Variants in EPB41L5 observed in about 807,000 individuals in gnomAD.
The protein encoded by EPB41L5 is erythrocyte membrane protein band 4.1 like 5, also known as band 4.1-like protein 5.
EPB41L5 carries 55 observed loss-of-function variants against 106.6 expected under a neutral mutation model. That is an observed-to-expected ratio of 0.52 (90% confidence interval 0.42 to 0.65). The LOEUF is 0.65. Among genes scored for constraint, EPB41L5 ranks in the 30% least tolerant of loss-of-function variants. The probability of loss-of-function intolerance (pLI) is 0.00; values close to 1 mark genes in which losing one functional copy is unlikely to be tolerated. For missense variants in EPB41L5, 871 were observed against 882.1 expected (o/e 0.99, Z 0.16); for synonymous variants, 297 against 306.7 (o/e 0.97, Z 0.33).
intron 22 of EPB41L5, among the ~76,000 whole-genome samples, chr2:120,165,987 A>AAC (rs1687387846): frequency 2.0e-5 from 3 of 151,608 alleles, no homozygotes; most frequent in African/African-American, 7.3e-5. Context: ...AAAAAAAAAA[A>AAC]AAAAAAACAG....
rs571886061 is a variant in EPB41L5, at chr2:120,122,749, C to G, written c.1338-4939C>G. ...TAGCTTGATGGGGACGGCATTGAATCTATAAATTACCTTGGGCAGTATGGC... is the reference window on the plus strand; with the variant it reads ...TAGCTTGATGGGGACGGCATTGAATGTATAAATTACCTTGGGCAGTATGGC... On this transcript the variant is annotated intron_variant, in intron 16 of 24. Transcript: ENST00000263713. Among the ~76,000 whole-genome samples, 10 of 152,250 alleles carry G rather than the reference C, an allele frequency of 6.6e-5. No individual in the cohort carries two copies. The South Asian group carries it at 2.1e-3, about 32-fold the overall frequency.
At chr2:120,052,132 G>C (rs545756945) in intron 3 of EPB41L5, among the ~76,000 whole-genome samples, 3 of 152,240 alleles carry the variant, frequency 2.0e-5, no homozygotes, top group Non-Finnish European at 2.9e-5. Context: ...GCCATGCTTT[G>C]CATTTAATTT....
intron 2 of EPB41L5, among the ~76,000 whole-genome samples, chr2:120,031,461 G>A (rs1678704329): frequency 6.6e-6 from 1 of 152,200 alleles, no homozygotes; most frequent in South Asian, 2.1e-4. Context: ...AAGAACATGA[G>A]TAGCAGGTAC....
At chr2:120,163,967 T>TTTATG (rs1291097856) in intron 21 of EPB41L5, among the ~76,000 whole-genome samples, 1 of 133,966 alleles carries the variant, frequency 7.5e-6, no homozygotes, top group African/African-American at 2.7e-5. Flanking sequence ...TTTTTTTTAT[T>TTTATG]TTTTTGTATT....
intron 2 of EPB41L5, among the ~76,000 whole-genome samples, chr2:120,028,016 C>G (rs1678452950): frequency 6.6e-6 from 1 of 151,996 alleles, no homozygotes; most frequent in South Asian, 2.1e-4. Context: ...GCGCCCACCA[C>G]CACACCCAGC....
intron 3 of EPB41L5, among the ~76,000 whole-genome samples, chr2:120,045,020 C>G (rs550953781): frequency 6.6e-6 from 1 of 152,222 alleles, no homozygotes; most frequent in African/African-American, 2.4e-5. Flanking sequence ...TGTTGTGTGG[C>G]CATATTCAAC....
chr2:120,033,989 G>GGGA (rs890289742), intron 2 of EPB41L5, among the ~76,000 whole-genome samples: 118 of 152,164 alleles, frequency 7.8e-4, no homozygotes, highest in African/African-American at 2.7e-3. Context: ...CCAGCTACTT[G>GGGA]GGAGGCCAAG....
At chr2:120,096,593 C>T (rs1683771968) in intron 14 of EPB41L5, among the ~76,000 whole-genome samples, 1 of 152,056 alleles carries the variant, frequency 6.6e-6, no homozygotes, top group East Asian at 1.9e-4. Context: ...AGTTTGAGAC[C>T]AGCCAGACCA....
intron 2 of EPB41L5, among the ~76,000 whole-genome samples, chr2:120,037,399 G>A (rs1679107629): frequency 6.6e-6 from 1 of 152,152 alleles, no homozygotes; most frequent in Admixed American, 6.5e-5. Context: ...TGCAGAAATA[G>A]AAAAACCCAT....
At chr2:120,095,934 T>A (rs963886197) in intron 14 of EPB41L5, among the ~76,000 whole-genome samples, 1 of 152,160 alleles carries the variant, frequency 6.6e-6, no homozygotes, top group African/African-American at 2.4e-5. Context: ...CCTCCCAAAG[T>A]GCTAGGATTA....
At chr2:120,096,774 A>AG (rs1306233505) in intron 14 of EPB41L5, among the ~76,000 whole-genome samples, 9 of 152,304 alleles carry the variant, frequency 5.9e-5, no homozygotes, top group Middle Eastern at 6.8e-3. Context: ...CGGGTGATAG[A>AG]GCAAGACTCC....
At chr2:120,056,217 A>ATATGG (rs1337254486) in intron 3 of EPB41L5, among the ~76,000 whole-genome samples, 9 of 150,506 alleles carry the variant, frequency 6.0e-5, no homozygotes, top group African/African-American at 2.2e-4. Context: ...AAATCTGTTT[A>ATATGG]TATGGTATGT....
At chr2:120,017,758 T>G (rs1677620278) in intron 1 of EPB41L5, among the ~76,000 whole-genome samples, 1 of 152,160 alleles carries the variant, frequency 6.6e-6, no homozygotes, top group Non-Finnish European at 1.5e-5. Flanking sequence ...AGGTGATTGT[T>G]TTTGTGTTTT....
intron 20 of EPB41L5, 69 bp downstream of exon 20, chr2:120,146,358 C>A: frequency 3.5e-6 from 4 of 1,149,678 alleles, no homozygotes; most frequent in South Asian, 1.3e-5. Context: ...TCTTCTCAGT[C>A]TGTCACCACA....
chr2:120,062,028 A>G (rs1681119520), intron 3 of EPB41L5, among the ~76,000 whole-genome samples: 1 of 152,170 alleles, frequency 6.6e-6, no homozygotes. Context: ...GATTAATAAT[A>G]TAAGCACTTC....
chr2:120,167,206 A>ATAGAT (rs1687452432), intron 22 of EPB41L5, among the ~76,000 whole-genome samples: 1 of 152,234 alleles, frequency 6.6e-6, no homozygotes, highest in African/African-American at 2.4e-5. Flanking sequence ...GAAAGTAGTA[A>ATAGAT]TAGATTCTTG....
At chr2:120,128,859 C>T (rs1367085605) in intron 17 of EPB41L5, among the ~76,000 whole-genome samples, 2 of 152,148 alleles carry the variant, frequency 1.3e-5, no homozygotes, top group East Asian at 3.9e-4. Context: ...AAATATCCCC[C>T]ATTACTATTT....
chr2:120,060,779 T>G (rs769018961), intron 3 of EPB41L5, among the ~76,000 whole-genome samples: 3 of 152,194 alleles, frequency 2.0e-5, no homozygotes, highest in Non-Finnish European at 2.9e-5. Flanking sequence ...CTGATTCTAA[T>G]ATTGTACTGT....
intron 21 of EPB41L5, among the ~76,000 whole-genome samples, chr2:120,164,614 T>A (rs964370644): frequency 1.3e-5 from 2 of 152,228 alleles, no homozygotes; most frequent in Non-Finnish European, 2.9e-5. Context: ...TTTGAAAATT[T>A]ACATAGCACT....
Sources: gnomAD v4.1 joint callset for allele counts (sites outside exome capture counted in the v4.1 genomes callset) on GRCh38, gnomAD v4.1.1 for gene constraint, MANE v1.5 for transcripts, NCBI Gene and HGNC (gene_info 2026-07-23, HGNC 2026-07-21) for gene names.